The following FAM171A1 variants were observed in gnomAD, a reference collection of about 807,000 sequenced individuals.
FAM171A1 encodes the protein family with sequence similarity 171 member A1, also known as protein FAM171A1.
Under a neutral mutation model 74.9 loss-of-function variants are expected in FAM171A1, and 23 were observed. The observed-to-expected ratio is 0.31, with a 90% CI of 0.22 to 0.44. The LOEUF is 0.44. FAM171A1 is among the 20% of genes least tolerant of loss of function. The pLI is 1.00. For missense variants in FAM171A1, 1,162 were observed against 1,159.2 expected, an observed-to-expected ratio of 1.00 and a Z score of -0.03; for synonymous variants, 527 against 505.7, an observed-to-expected ratio of 1.04 and a Z score of -0.57.
chr10:15,230,219 T>C (rs45530232), intron 5 of FAM171A1, among the ~76,000 whole-genome samples: 21,797 of 152,294 alleles, frequency 0.14, 1,668 homozygotes, highest in Middle Eastern at 0.19. Context: ...TTTATGACAC[T>C]GTGGGATAGT....
At chr10:15,304,881 C>T (rs1832168043) in intron 1 of FAM171A1, among the ~76,000 whole-genome samples, 1 of 152,178 alleles carries the variant, frequency 6.6e-6, no homozygotes, top group South Asian at 2.1e-4. Flanking sequence ...GGATTCCAGG[C>T]ATGCGCCACC....
chr10:15,240,738 T>C (rs1176668687), intron 5 of FAM171A1: 8 of 985,188 alleles, frequency 8.1e-6, no homozygotes, highest in Non-Finnish European at 8.4e-6. Flanking sequence ...ACTGAGTTAG[T>C]GTTAAAACGT....
At chr10:15,305,141 G>T (rs1003520001) in intron 1 of FAM171A1, among the ~76,000 whole-genome samples, 1 of 152,146 alleles carries the variant, frequency 6.6e-6, no homozygotes. Flanking sequence ...ATGACTCAAG[G>T]TTTTCCCGGT....
intron 1 of FAM171A1, among the ~76,000 whole-genome samples, chr10:15,289,543 T>G (rs550092752): frequency 2.0e-5 from 3 of 152,290 alleles, no homozygotes; most frequent in South Asian, 2.1e-4. Flanking sequence ...GCCTTCACCA[T>G]CCATCACCCA....
At chr10:15,279,571 A>G (rs1245942261) in intron 2 of FAM171A1, among the ~76,000 whole-genome samples, 1 of 152,164 alleles carries the variant, frequency 6.6e-6, no homozygotes, top group Non-Finnish European at 1.5e-5. Context: ...CTACCCAGGA[A>G]AGGCAGGAAG....
chr10:15,252,552 C>T (rs1834523365), intron 4 of FAM171A1, among the ~76,000 whole-genome samples: 1 of 152,146 alleles, frequency 6.6e-6, no homozygotes, highest in South Asian at 2.1e-4. Flanking sequence ...AAACTGACCC[C>T]AGGGGCCGCC....
intron 1 of FAM171A1, among the ~76,000 whole-genome samples, chr10:15,300,584 G>A (rs1008356055): frequency 6.7e-6 from 1 of 149,364 alleles, no homozygotes; most frequent in Non-Finnish European, 1.5e-5. Context: ...AAGCTTCTCA[G>A]TTAAGAACCC....
At chr10:15,267,191 G>C (rs976722263) in intron 3 of FAM171A1, among the ~76,000 whole-genome samples, 4 of 152,236 alleles carry the variant, frequency 2.6e-5, no homozygotes, top group African/African-American at 9.6e-5. Context: ...CAGGGCATGG[G>C]CATGGCAATG....
At chr10:15,239,456 C>T (rs1479588737) in intron 5 of FAM171A1, among the ~76,000 whole-genome samples, 1 of 151,958 alleles carries the variant, frequency 6.6e-6, no homozygotes, top group African/African-American at 2.4e-5. Flanking sequence ...ACCACCACAC[C>T]CGGCTCCAGC....
chr10:15,313,187 C>A (rs1835384113), intron 1 of FAM171A1, among the ~76,000 whole-genome samples: 1 of 152,162 alleles, frequency 6.6e-6, no homozygotes, highest in Non-Finnish European at 1.5e-5. Context: ...CGTGGAAACA[C>A]ACTGGGAATT....
intron 1 of FAM171A1, among the ~76,000 whole-genome samples, chr10:15,336,833 C>T (rs964538983): frequency 2.6e-5 from 4 of 152,170 alleles, no homozygotes; most frequent in Non-Finnish European, 5.9e-5. Context: ...GGGCCACCTA[C>T]AACTGTTTTG....
intron 5 of FAM171A1, among the ~76,000 whole-genome samples, chr10:15,230,328 G>T (rs111811715): frequency 3.3e-5 from 5 of 152,226 alleles, no homozygotes; most frequent in African/African-American, 1.2e-4. Context: ...AACATTCCTT[G>T]TTAATTATAT....
At position 15,214,406 on chromosome 10, in the gene FAM171A1, C is replaced by A. The variant is rs1203559743; in HGVS notation, c.1182G>T (p.Met394Ile). 8 of 1,613,984 alleles carry A rather than the reference C, an allele frequency of 5.0e-6. No homozygotes were observed. The African/African-American group carries it at 1.1e-4, about 22-fold the overall frequency. Residue 394 changes from methionine (M) to isoleucine (I), a missense_variant, in exon 8 of 8, where the codon ATG becomes ATT. By Grantham distance (10) the Met-to-Ile change is conservative (BLOSUM62 1). Transcript: ENST00000378116. ...ACATCATTTCCAAATGGACTCCACTCATCAGTTCCTTCGTGCCGGGGGCCT... is the reference window on the plus strand; with the variant it reads ...ACATCATTTCCAAATGGACTCCACTAATCAGTTCCTTCGTGCCGGGGGCCT... ...RPEAPGTKEL[M>I]SGVHLEMMSP...
Position 15,214,356 on chromosome 10 carries a change from T to A in FAM171A1, c.1232A>T (p.His411Leu). The A allele has an allele frequency of 6.2e-7, 1 of 1,613,016 alleles. No homozygotes were observed. Among genetic ancestry groups the A allele is most frequent in the South Asian group, 1.1e-5 (1 of 90,954 alleles). ...GTAGGAGAGCTTGAGCATGGGGGTG[T>A]GCAGGTCCCCTTCGCCGCCCGGAGA... ...MMSPGGEGDL[H>L]TPMLKLSYST... Residue 411 changes from histidine (H) to leucine (L), a missense_variant, in exon 8 of 8, where the codon CAC becomes CTC. By Grantham distance (99) the His-to-Leu change is moderately conservative. Transcript: ENST00000378116.
intron 4 of FAM171A1, among the ~76,000 whole-genome samples, chr10:15,252,292 C>T (rs188048542): frequency 2.4e-4 from 36 of 152,290 alleles, no homozygotes; most frequent in Admixed American, 6.5e-4. Context: ...AACAACACAA[C>T]CTTCATGGTA....
chr10:15,278,094 G>C (rs1409987988), intron 2 of FAM171A1, among the ~76,000 whole-genome samples: 2 of 152,174 alleles, frequency 1.3e-5, no homozygotes, highest in East Asian at 3.8e-4. Flanking sequence ...GCACCAGTGA[G>C]TTGGCCGTGG....
chr10:15,244,797 C>T (rs1045293545), intron 5 of FAM171A1, among the ~76,000 whole-genome samples: 6 of 152,184 alleles, frequency 3.9e-5, no homozygotes, highest in African/African-American at 1.4e-4. Flanking sequence ...TAACTGGCAC[C>T]CGCATACCGT....
chr10:15,345,854 G>A (rs1340350504), intron 1 of FAM171A1, among the ~76,000 whole-genome samples: 2 of 152,180 alleles, frequency 1.3e-5, no homozygotes, highest in South Asian at 2.1e-4. Flanking sequence ...GGCCCCTGCC[G>A]TGGACAGCAG....
At position 15,254,054 on chromosome 10, in the gene FAM171A1, C is replaced by A. The variant is rs1004100890; in HGVS notation, c.577+667G>T. ...GACTTAGAGACCTGCCAGGAGAGGG[C>A]GGATTCTAAAGCAAATTCAAAGCCT... On this transcript the variant is annotated intron_variant, in intron 4 of 7. Transcript: ENST00000378116. 4.6e-5 allele frequency among the ~76,000 whole-genome samples: 7 copies of A among 152,268 alleles called. No individual in the cohort carries two copies. In the South Asian group the frequency reaches 1.2e-3, roughly 27 times the overall value.
Sources: gnomAD v4.1 joint callset for allele counts (sites outside exome capture counted in the v4.1 genomes callset) on GRCh38, gnomAD v4.1.1 for gene constraint, MANE v1.5 for transcripts, NCBI Gene and HGNC (gene_info 2026-07-23, HGNC 2026-07-21) for gene names.